Variants in TMTC2 observed in about 807,000 individuals in gnomAD.
TMTC2 encodes the protein transmembrane O-mannosyltransferase targeting cadherins 2.
In TMTC2, 43 loss-of-function variants were observed where a neutral mutation model predicts 82.4. The observed-to-expected ratio is 0.52, with a 90% CI of 0.41 to 0.67. TMTC2 has a LOEUF of 0.67. Among genes scored for constraint, TMTC2 ranks in the 30% least tolerant of loss-of-function variants. The pLI, the probability that TMTC2 is intolerant of heterozygous loss-of-function variation, is 0.00. For synonymous variants in TMTC2, 408 were observed against 381.9 expected, an observed-to-expected ratio of 1.07 and a Z score of -0.80; for missense variants, 919 against 1,012.4, an observed-to-expected ratio of 0.91 and a Z score of 1.25.
intron 1 of TMTC2, among the ~76,000 whole-genome samples, chr12:82,699,507 T>G (rs1232970276): frequency 6.6e-6 from 1 of 152,168 alleles, no homozygotes; most frequent in Non-Finnish European, 1.5e-5. Context: ...GACGACCCTT[T>G]TTCTTTTTGG....
chr12:83,033,949 G>A (rs1006155641), intron 9 of TMTC2, among the ~76,000 whole-genome samples: 1 of 149,738 alleles, frequency 6.7e-6, no homozygotes, highest in African/African-American at 2.5e-5. Flanking sequence ...ATTTTTGGGG[G>A]TTTGCTTTTT....
At chr12:82,823,893 A>ATTTTTT (rs1225145231) in intron 1 of TMTC2, among the ~76,000 whole-genome samples, 1 of 136,318 alleles carries the variant, frequency 7.3e-6, no homozygotes, top group Non-Finnish European at 1.6e-5. Flanking sequence ...CCATTATTCT[A>ATTTTTT]TTTTTTTTTT....
chr12:82,946,169 A>T (rs935821412), intron 4 of TMTC2, among the ~76,000 whole-genome samples: 30 of 149,842 alleles, frequency 2.0e-4, no homozygotes, highest in African/African-American at 7.7e-4. Context: ...GAACTATATA[A>T]TTTACTACCT....
intron 1 of TMTC2, among the ~76,000 whole-genome samples, chr12:82,720,230 T>G (rs1011710213): frequency 6.6e-6 from 1 of 152,172 alleles, no homozygotes; most frequent in African/African-American, 2.4e-5. Context: ...TATACCTTCA[T>G]GTCCCCGACC....
rs761980951 is a variant in TMTC2 at position 82,896,013 on chromosome 12, T to C, written c.850T>C (p.Leu284=). 6.2e-7 allele frequency: 1 copy of C among 1,613,832 alleles called. No individual in the cohort carries two copies. The highest frequency in any genetic ancestry group is 1.7e-5 in the Admixed American group (1 of 59,952). Residue 284 remains leucine (L), a synonymous_variant, in exon 3 of 12, where the codon TTG becomes CTG. Transcript: ENST00000321196. ...CTTGCCAACCAAGAACCTCTGGCTG[T>C]TGCTATGTCCAGATACCCTCAGTTT... ...FYLPTKNLWL[L]LCPDTLSFDW... is the part of the protein sequence containing the mutation.
At chr12:82,700,631 A>G (rs1421881237) in intron 1 of TMTC2, among the ~76,000 whole-genome samples, 2 of 152,222 alleles carry the variant, frequency 1.3e-5, no homozygotes, top group East Asian at 3.8e-4. Context: ...ATGTACATAT[A>G]TGCAAATTTT....
At chr12:83,030,922 T>C (rs1881405480) in intron 9 of TMTC2, 43 bp downstream of exon 9, 2 of 1,407,718 alleles carry the variant, frequency 1.4e-6, no homozygotes, top group East Asian at 2.3e-5. Flanking sequence ...CCACATTTAC[T>C]ATTAATGTTG....
chr12:82,743,131 T>G (rs934052908), intron 1 of TMTC2, among the ~76,000 whole-genome samples: 4 of 152,122 alleles, frequency 2.6e-5, no homozygotes, highest in African/African-American at 9.7e-5. Flanking sequence ...TATCACACAA[T>G]TATGAAGATT....
At chr12:83,087,144 A>G (rs1368618594) in intron 11 of TMTC2, among the ~76,000 whole-genome samples, 9 of 152,220 alleles carry the variant, frequency 5.9e-5, no homozygotes, top group Non-Finnish European at 1.3e-4. Context: ...TGTTTACAGC[A>G]TCTTCCCCGG....
chr12:82,728,066 G>T (rs181516462), intron 1 of TMTC2, among the ~76,000 whole-genome samples: 1 of 152,138 alleles, frequency 6.6e-6, no homozygotes, highest in Non-Finnish European at 1.5e-5. Context: ...TTCTTCCTGT[G>T]GTACCAGGCA....
chr12:82,940,158 T>C (rs1294956228), intron 4 of TMTC2, among the ~76,000 whole-genome samples: 5 of 151,642 alleles, frequency 3.3e-5, no homozygotes, highest in African/African-American at 1.2e-4. Context: ...GCTGGGATTA[T>C]AGGCATGCGC....
At chr12:82,871,689 G>GTA (rs1303220941) in intron 2 of TMTC2, among the ~76,000 whole-genome samples, 4 of 115,908 alleles carry the variant, frequency 3.5e-5, no homozygotes, top group East Asian at 2.6e-4. Context: ...ATCTGTGTGT[G>GTA]TGTGTGTGTG....
chr12:82,789,013 TAAAAG>T (rs1035952033), intron 1 of TMTC2, among the ~76,000 whole-genome samples: 7 of 152,120 alleles, frequency 4.6e-5, no homozygotes, highest in South Asian at 2.1e-4. Flanking sequence ...AATAGATAAA[TAAAAG>T]AAAGGAAAAC....
chr12:82,722,566 CAAAAAAAA>C (rs772607761), intron 1 of TMTC2, among the ~76,000 whole-genome samples: 1 of 44,396 alleles, frequency 2.3e-5, no homozygotes, highest in South Asian at 1.5e-3. Context: ...GACTCCATCT[CAAAAAAAA>C]AAAAAAAAAA....
At chr12:82,891,465 C>T (rs866237960) in intron 2 of TMTC2, among the ~76,000 whole-genome samples, 107 of 152,160 alleles carry the variant, frequency 7.0e-4, no homozygotes, top group African/African-American at 2.4e-3. Flanking sequence ...TGCGCCACCA[C>T]GCCTGGCTAA....
At chr12:82,694,611 T>G (rs796899021) in intron 1 of TMTC2, among the ~76,000 whole-genome samples, 1 of 152,212 alleles carries the variant, frequency 6.6e-6, no homozygotes, top group Non-Finnish European at 1.5e-5. Context: ...TCAAGATGAC[T>G]GGCTAAATTA....
At chr12:82,817,973 G>C (rs1211739877) in intron 1 of TMTC2, among the ~76,000 whole-genome samples, 1 of 152,010 alleles carries the variant, frequency 6.6e-6, no homozygotes, top group Non-Finnish European at 1.5e-5. Flanking sequence ...TATAGTACCA[G>C]GCAGCACCTT....
chr12:82,876,100 G>GTGGTGGTGGTGGTATTAGTAA (rs1245291437), intron 2 of TMTC2, among the ~76,000 whole-genome samples: 24 of 136,814 alleles, frequency 1.8e-4, no homozygotes, highest in Non-Finnish European at 3.0e-4. Flanking sequence ...ATTCATAATG[G>GTGGTGGTGGTGGTATTAGTAA]TGGTGGTGGT....
At chr12:82,907,343 G>A (rs959275787) in intron 3 of TMTC2, among the ~76,000 whole-genome samples, 2 of 151,778 alleles carry the variant, frequency 1.3e-5, no homozygotes, top group African/African-American at 4.8e-5. Context: ...CGCGCCTATA[G>A]TCCCAACTAC....
Sources: gnomAD v4.1 joint callset for allele counts (sites outside exome capture counted in the v4.1 genomes callset) on GRCh38, gnomAD v4.1.1 for gene constraint, MANE v1.5 for transcripts, NCBI Gene and HGNC (gene_info 2026-07-23, HGNC 2026-07-21) for gene names.